Variants in RNGTT observed in about 807,000 individuals in gnomAD.
RNGTT encodes RNA guanylyltransferase and 5'-phosphatase.
Under a neutral mutation model 79.3 loss-of-function variants are expected in RNGTT, and 33 were observed. The observed-to-expected ratio is 0.42, with a 90% CI of 0.32 to 0.56. The LOEUF (loss-of-function observed/expected upper bound fraction) is 0.56. Among genes scored for constraint, RNGTT ranks in the 20% least tolerant of loss-of-function variants. The pLI is 0.17. For synonymous variants in RNGTT, 222 were observed against 235.9 expected (o/e 0.94, Z 0.54); for missense variants, 497 against 739.1 (o/e 0.67, Z 3.80).
chr6:88,648,077 A>C (rs1042117317), intron 14 of RNGTT, among the ~76,000 whole-genome samples: 2 of 152,156 alleles, frequency 1.3e-5, no homozygotes, highest in Non-Finnish European at 2.9e-5. Context: ...AAACAGAAAC[A>C]CTAACTTCAA....
At chr6:88,901,493 A>ATTTTTTTTTTTTTT (rs1562310733) in intron 6 of RNGTT, among the ~76,000 whole-genome samples, 3 of 97,558 alleles carry the variant, frequency 3.1e-5, no homozygotes, top group Admixed American at 1.0e-4. Context: ...AAGCACCCTG[A>ATTTTTTTTTTTTTT]TCTTTTTTTT....
intron 11 of RNGTT, among the ~76,000 whole-genome samples, chr6:88,824,765 T>TC (rs1780603099): frequency 6.8e-6 from 1 of 146,692 alleles, no homozygotes; most frequent in Non-Finnish European, 1.5e-5. Flanking sequence ...TTTTTTTTTT[T>TC]CTTTTTGGAG....
At chr6:88,822,869 G>A (rs1434580903) in intron 11 of RNGTT, among the ~76,000 whole-genome samples, 1 of 152,126 alleles carries the variant, frequency 6.6e-6, no homozygotes, top group Non-Finnish European at 1.5e-5. Context: ...AATGGTGCTA[G>A]AATAACAAGC....
chr6:88,826,799 A>AAAAT lies in RNGTT; in HGVS notation c.1269+17557_1269+17558insATTT, dbSNP rs1554221302. ...ACCCTGTCTCAAAAGAAAAAAAAAA[A>AAAAT]ATATATATATATATATATGTGTGTG... On this transcript the variant is annotated intron_variant, in intron 11 of 15. Transcript: ENST00000369485. Among the ~76,000 whole-genome samples, 185 of 126,928 alleles carry AAAAT rather than the reference A, an allele frequency of 1.5e-3. 1 individual carries two copies. Among genetic ancestry groups the AAAAT allele is most frequent in the African/African-American group, 5.4e-3 (174 of 32,342 alleles). The allele number at this position is 126,928 out of a possible 152,430, so 83.3% of individuals were successfully genotyped here. A position where few individuals can be genotyped will look rare whatever the true frequency, so the allele number is the denominator to read the frequency against.
At chr6:88,789,386 C>T (rs541738527) in intron 12 of RNGTT, among the ~76,000 whole-genome samples, 1 of 152,206 alleles carries the variant, frequency 6.6e-6, no homozygotes, top group African/African-American at 2.4e-5. Flanking sequence ...ATGGTGAAAC[C>T]CCGTATCTAC....
chr6:88,789,299 C>G (rs534857637), intron 12 of RNGTT, among the ~76,000 whole-genome samples: 2 of 152,134 alleles, frequency 1.3e-5, no homozygotes, highest in Non-Finnish European at 2.9e-5. Flanking sequence ...ATTACACTCA[C>G]GCCTGTAATC....
At chr6:88,822,474 TAA>T (rs974961554) in intron 11 of RNGTT, among the ~76,000 whole-genome samples, 6 of 152,216 alleles carry the variant, frequency 3.9e-5, no homozygotes, top group African/African-American at 1.2e-4. Context: ...AAAAATATCC[TAA>T]AAGTTATTTT....
intron 13 of RNGTT, among the ~76,000 whole-genome samples, chr6:88,742,330 T>C (rs1175606887): frequency 6.6e-6 from 1 of 152,206 alleles, no homozygotes; most frequent in African/African-American, 2.4e-5. Flanking sequence ...TGTTCAAATA[T>C]ATTTAAAATA....
intron 4 of RNGTT, among the ~76,000 whole-genome samples, chr6:88,918,781 CAT>C (rs1217845977): frequency 1.3e-5 from 2 of 152,290 alleles, no homozygotes; most frequent in East Asian, 3.9e-4. Flanking sequence ...CTTAACCCAA[CAT>C]GTAAATTTCC....
intron 8 of RNGTT, among the ~76,000 whole-genome samples, chr6:88,876,585 A>G (rs1325415568): frequency 2.0e-5 from 3 of 152,212 alleles, no homozygotes; most frequent in Non-Finnish European, 4.4e-5. Flanking sequence ...AGCTAGCACA[A>G]TCTCTGGCAT....
chr6:88,929,085 G>T lies in RNGTT; in HGVS notation c.279-12C>A, dbSNP rs1562043067. On this transcript the variant is annotated splice_polypyrimidine_tract_variant and intron_variant, in intron 3 of 15. Transcript: ENST00000369485. ...GGCACTCACCATGTCTAGTAATATA[G>T]AAAAAGTTTTTTTGAAAAAAGAGAT... is the stretch of plus-strand genomic sequence containing the variant. 3 of 1,602,872 alleles carry T rather than the reference G, an allele frequency of 1.9e-6. No homozygotes were observed. Among genetic ancestry groups the T allele is most frequent in the African/African-American group, 1.4e-5 (1 of 74,056 alleles).
At chr6:88,668,868 A>G (rs1035221811) in intron 14 of RNGTT, among the ~76,000 whole-genome samples, 3 of 150,944 alleles carry the variant, frequency 2.0e-5, no homozygotes, top group Non-Finnish European at 4.4e-5. Context: ...AGTCGGGGTG[A>G]AAAAAAAAGC....
chr6:88,728,145 C>T (rs1432483956), intron 13 of RNGTT, among the ~76,000 whole-genome samples: 1 of 152,222 alleles, frequency 6.6e-6, no homozygotes, highest in Non-Finnish European at 1.5e-5. Context: ...TTAACTCTCT[C>T]TCTTTCTTCT....
chr6:88,790,516 C>A (rs927492915), intron 12 of RNGTT, among the ~76,000 whole-genome samples: 12 of 152,120 alleles, frequency 7.9e-5, no homozygotes, highest in Non-Finnish European at 2.9e-5. Context: ...CTTCTCTACT[C>A]CAAGAATAGT....
chr6:88,924,707 C>T (rs936707162), intron 4 of RNGTT, among the ~76,000 whole-genome samples: 1 of 150,976 alleles, frequency 6.6e-6, no homozygotes, highest in Admixed American at 6.6e-5. Flanking sequence ...TTTCTTTGCC[C>T]TCAAACATTC....
At chr6:88,746,005 A>G (rs1777647855) in intron 13 of RNGTT, among the ~76,000 whole-genome samples, 1 of 152,110 alleles carries the variant, frequency 6.6e-6, no homozygotes, top group Non-Finnish European at 1.5e-5. Context: ...GTGAGTACAG[A>G]GCAGTGAAGG....
At chr6:88,803,324 C>T (rs1297008454) in intron 11 of RNGTT, among the ~76,000 whole-genome samples, 1 of 151,918 alleles carries the variant, frequency 6.6e-6, no homozygotes, top group African/African-American at 2.4e-5. Context: ...ACCTGTAATC[C>T]CAGCAATTTG....
chr6:88,617,163 G>A (rs1253713716), intron 14 of RNGTT, among the ~76,000 whole-genome samples: 4 of 152,158 alleles, frequency 2.6e-5, no homozygotes, highest in Non-Finnish European at 4.4e-5. Flanking sequence ...CCAGCTACTC[G>A]GGAGGCTGAG....
intron 13 of RNGTT, among the ~76,000 whole-genome samples, chr6:88,738,369 C>A (rs1038577060): frequency 6.6e-6 from 1 of 152,072 alleles, no homozygotes; most frequent in Non-Finnish European, 1.5e-5. Context: ...TAGATGGGAT[C>A]CTGGAAAAGA....
Sources: allele counts gnomAD v4.1 joint callset (sites outside exome capture counted in the v4.1 genomes callset), GRCh38; gene constraint gnomAD v4.1.1; transcripts MANE v1.5; gene names NCBI Gene and HGNC (gene_info 2026-07-23, HGNC 2026-07-21).